Variants in MBP observed in about 807,000 individuals in gnomAD.
MBP encodes the protein myelin basic protein, also known as Golli-MBP.
A neutral mutation model predicts 35.8 loss-of-function variants in MBP; 16 were observed. The ratio of observed to expected loss-of-function variants is 0.45; its 90% CI spans 0.30 to 0.68. The LOEUF is 0.68. MBP is among the 30% of genes least tolerant of loss of function. MBP has a pLI of 0.08. For missense variants in MBP, 380 were observed against 404.7 expected (o/e 0.94, Z 0.52); for synonymous variants, 143 against 159.6 (o/e 0.90, Z 0.78).
At chr18:77,016,039 A>G in intron 4 of MBP, 2 of 985,430 alleles carry the variant, frequency 2.0e-6, no homozygotes, top group Non-Finnish European at 2.4e-6. Context: ...AAAATACTGC[A>G]TCTGCAATCT....
intron 1 of MBP, among the ~76,000 whole-genome samples, chr18:77,119,215 G>A (rs182665973): frequency 1.8e-4 from 28 of 152,248 alleles, no homozygotes; most frequent in Middle Eastern, 3.4e-3. Flanking sequence ...GGAGAGGGCC[G>A]GAGGTGTCCT....
rs747951517 is a variant in MBP at position 77,017,279 on chromosome 18, CAAT to C, written c.140-14_140-12del. The C allele has an allele frequency of 8.5e-5, 128 of 1,504,894 alleles. No individual in the cohort carries two copies. Among genetic ancestry groups the C allele is most frequent in the East Asian group, 1.1e-4 (5 of 43,874 alleles). 93.2% of individuals were successfully genotyped at this position (1,504,894 alleles called of 1,614,324 possible). A position where few individuals can be genotyped will look rare whatever the true frequency, so the allele number is the denominator to read the frequency against. On this transcript the variant is annotated splice_polypyrimidine_tract_variant and intron_variant, in intron 3 of 8. Transcript: ENST00000355994. ...TCGCATCTGCCTCTCCTGCAAACAA[CAAT>C]GAGATATGAATACGGGCCTGTGCAA...
chr18:77,061,186 C>T (rs8094821), intron 3 of MBP, among the ~76,000 whole-genome samples: 69,200 of 152,074 alleles, frequency 0.46, 17,889 homozygotes, highest in African/African-American at 0.71. Context: ...CACCACTGGC[C>T]CTTACTGAAT....
intron 2 of MBP, among the ~76,000 whole-genome samples, chr18:77,095,903 A>T (rs1488720394): frequency 2.0e-5 from 3 of 152,256 alleles, no homozygotes; most frequent in Non-Finnish European, 2.9e-5. Flanking sequence ...TCCGTCAGCA[A>T]AAACAAAGTT....
chr18:76,998,005 T>A (rs1488649650), intron 4 of MBP, among the ~76,000 whole-genome samples: 2 of 152,236 alleles, frequency 1.3e-5, no homozygotes, highest in Admixed American at 1.3e-4. Flanking sequence ...AAAAAGTAAT[T>A]TTTTTATTGT....
At chr18:77,010,966 T>C (rs374006575) in intron 4 of MBP, among the ~76,000 whole-genome samples, 2 of 152,186 alleles carry the variant, frequency 1.3e-5, no homozygotes, top group African/African-American at 4.8e-5. Flanking sequence ...AGGAGATGTA[T>C]TGGCTGCAGA....
chr18:77,116,464 T>G (rs1316435727), intron 1 of MBP, among the ~76,000 whole-genome samples: 1 of 152,142 alleles, frequency 6.6e-6, no homozygotes, highest in Non-Finnish European at 1.5e-5. Context: ...TGAACAGAAC[T>G]AGATTTGGGC....
chr18:77,074,367 G>A (rs888369573), intron 2 of MBP, among the ~76,000 whole-genome samples: 2 of 151,844 alleles, frequency 1.3e-5, no homozygotes, highest in Non-Finnish European at 2.9e-5. Flanking sequence ...AGTGAGCCTG[G>A]GTCTCAAGGG....
At chr18:77,026,455 T>C (rs1463087733) in intron 3 of MBP, among the ~76,000 whole-genome samples, 1 of 151,226 alleles carries the variant, frequency 6.6e-6, no homozygotes, top group East Asian at 1.9e-4. Context: ...GCAATCACAC[T>C]ACCCAATTTA....
At chr18:77,104,444 T>C (rs1976175579) in intron 2 of MBP, among the ~76,000 whole-genome samples, 1 of 152,150 alleles carries the variant, frequency 6.6e-6, no homozygotes, top group African/African-American at 2.4e-5. Context: ...GTTATCGATC[T>C]AGGAGAGGGC....
At chr18:77,093,975 TTTC>T (rs1364032176) in intron 2 of MBP, among the ~76,000 whole-genome samples, 23 of 127,706 alleles carry the variant, frequency 1.8e-4, no homozygotes, top group African/African-American at 3.9e-4. Flanking sequence ...AGGGTCTTTT[TTTC>T]TTCTTTTTTT....
chr18:77,034,437 T>TGACCCAGA (rs1972673193), intron 3 of MBP, among the ~76,000 whole-genome samples: 2 of 152,178 alleles, frequency 1.3e-5, no homozygotes, highest in African/African-American at 4.8e-5. Flanking sequence ...CAGTTGAGCC[T>TGACCCAGA]GACCCAGAGA....
rs144801185 is a variant in MBP at position 77,026,648 on chromosome 18, T to C, written c.140-9380A>G. Among the ~76,000 whole-genome samples, 24 of 152,210 alleles carry C rather than the reference T, an allele frequency of 1.6e-4. No individual in the cohort carries two copies. The East Asian group carries it at 4.4e-3, about 28-fold the overall frequency. On this transcript the variant is annotated intron_variant, in intron 3 of 8. Coordinates refer to ENST00000355994, the MANE Select transcript of MBP (RefSeq NM_001025101.2). ...GCAGATCTTAAATGGGGAGGATGGCTTCAGGCTGGAAGTTTGAGACAACCC... is the reference window on the plus strand; with the variant it reads ...GCAGATCTTAAATGGGGAGGATGGCCTCAGGCTGGAAGTTTGAGACAACCC...
chr18:77,018,622 A>ATCCATCCG (rs1458150361), intron 3 of MBP, among the ~76,000 whole-genome samples: 2 of 143,208 alleles, frequency 1.4e-5, no homozygotes, highest in Non-Finnish European at 1.5e-5. Flanking sequence ...TCATCCATCC[A>ATCCATCCG]TCCATCCATC....
chr18:76,993,421 G>A (rs1227051588), intron 4 of MBP, among the ~76,000 whole-genome samples: 2 of 152,034 alleles, frequency 1.3e-5, no homozygotes, highest in Admixed American at 6.5e-5. Flanking sequence ...GCTTGGCGTC[G>A]TGTGCCTATA....
At chr18:77,092,884 T>G (rs971485593) in intron 2 of MBP, among the ~76,000 whole-genome samples, 8 of 152,126 alleles carry the variant, frequency 5.3e-5, no homozygotes, top group Non-Finnish European at 1.0e-4. Flanking sequence ...CCCTGCTCAG[T>G]GGGGAACACA....
intron 3 of MBP, among the ~76,000 whole-genome samples, chr18:77,035,770 G>T (rs982661594): frequency 1.3e-5 from 2 of 152,198 alleles, no homozygotes; most frequent in African/African-American, 2.4e-5. Flanking sequence ...AAAGCAAATG[G>T]TCATCATATT....
rs11875151 is a variant in MBP at position 77,101,003 on chromosome 18, C to T, written c.51+4208G>A. On this transcript the variant is annotated intron_variant, in intron 2 of 8. Transcript: ENST00000355994. The surrounding 1 kb of genome is among the most constrained non-coding windows in gnomAD (Gnocchi z 4.3). ...CCACAAGCAGCCTGGCACATGGGCA[C>T]GTTCTGAGCGCTTGCTGACCCTCCC... is the stretch of plus-strand genomic sequence containing the variant. Among the ~76,000 whole-genome samples, 3 of 152,202 alleles carry T rather than the reference C, an allele frequency of 2.0e-5. No homozygotes were observed. Among genetic ancestry groups the T allele is most frequent in the East Asian group, 1.9e-4 (1 of 5,198 alleles).
chr18:77,052,800 C>G (rs558377315), intron 3 of MBP, among the ~76,000 whole-genome samples: 3 of 152,178 alleles, frequency 2.0e-5, no homozygotes, highest in Non-Finnish European at 4.4e-5. Flanking sequence ...CCCAGCAACA[C>G]CGGGCCTGAG....
Sources: allele counts gnomAD v4.1 joint callset (sites outside exome capture counted in the v4.1 genomes callset), GRCh38; gene constraint gnomAD v4.1.1; non-coding constraint Gnocchi (gnomAD v3.1); transcripts MANE v1.5; gene names NCBI Gene and HGNC (gene_info 2026-07-23, HGNC 2026-07-21).